DCTN6: variants seen among roughly 807,000 people sequenced by gnomAD.
DCTN6 encodes the protein dynactin subunit 6, also known as dynactin 6.
Under a neutral mutation model 25.8 loss-of-function variants are expected in DCTN6, and 15 were observed. The ratio of observed to expected loss-of-function variants is 0.58; its 90% CI spans 0.39 to 0.89. DCTN6 has a LOEUF of 0.89. Ranked by LOEUF, DCTN6 falls within the 40% of genes least tolerant of loss-of-function variation. The pLI, the probability that DCTN6 is intolerant of heterozygous loss-of-function variation, is 0.00. For missense variants in DCTN6, 198 were observed against 237.6 expected, an observed-to-expected ratio of 0.83 and a Z score of 1.09; for synonymous variants, 64 against 78.3, an observed-to-expected ratio of 0.82 and a Z score of 0.96.
At chr8:30,169,144 C>G (rs1026723506) in intron 2 of DCTN6, among the ~76,000 whole-genome samples, 2 of 152,196 alleles carry the variant, frequency 1.3e-5, no homozygotes, top group Non-Finnish European at 2.9e-5. Flanking sequence ...AGTTTTAATA[C>G]GGACCAAAAG....
At chr8:30,182,294 C>A (rs1175018969) in intron 6 of DCTN6, among the ~76,000 whole-genome samples, 1 of 152,088 alleles carries the variant, frequency 6.6e-6, no homozygotes, top group Non-Finnish European at 1.5e-5. Context: ...CTATATTTTT[C>A]ACAAGTACCG....
At chr8:30,160,055 C>G (rs935126569) in intron 1 of DCTN6, among the ~76,000 whole-genome samples, 1 of 152,140 alleles carries the variant, frequency 6.6e-6, no homozygotes, top group Non-Finnish European at 1.5e-5. Context: ...GCTTCCCTCT[C>G]CATCAGGAAT....
At chr8:30,178,907 T>A (rs958755118) in intron 4 of DCTN6, among the ~76,000 whole-genome samples, 18 of 152,148 alleles carry the variant, frequency 1.2e-4, no homozygotes, top group African/African-American at 4.3e-4. Flanking sequence ...TCCTCCCACC[T>A]TGGCCTCCCA....
At chr8:30,156,843 C>A (rs1293703927) in intron 1 of DCTN6, among the ~76,000 whole-genome samples, 3 of 152,172 alleles carry the variant, frequency 2.0e-5, no homozygotes, top group Non-Finnish European at 4.4e-5. Context: ...CAGTGCTGGC[C>A]GCACCCCAGG....
intron 1 of DCTN6, among the ~76,000 whole-genome samples, chr8:30,158,912 G>A (rs960399670): frequency 1.6e-4 from 24 of 151,756 alleles, no homozygotes; most frequent in African/African-American, 5.6e-4. Flanking sequence ...CTCCAGAGTA[G>A]CTGGGACTAC....
intron 3 of DCTN6, 54 bp downstream of exon 3, chr8:30,175,244 A>C: frequency 6.7e-7 from 1 of 1,498,546 alleles, no homozygotes; most frequent in Non-Finnish European, 9.2e-7. Context: ...GGTTTTTCTT[A>C]ATTTCAGCTG....
intron 6 of DCTN6, chr8:30,180,834 G>A: frequency 1.6e-6 from 1 of 607,658 alleles, no homozygotes; most frequent in South Asian, 2.3e-5. Flanking sequence ...GAATTTAAGA[G>A]CAGCCTGGGC....
intron 2 of DCTN6, among the ~76,000 whole-genome samples, chr8:30,168,459 C>A (rs1803717064): frequency 6.6e-6 from 1 of 152,078 alleles, no homozygotes; most frequent in African/African-American, 2.4e-5. Context: ...CTCTCCCCAC[C>A]CTGCTTTATT....
chr8:30,183,260 C>A lies in DCTN6; in HGVS notation c.*87C>A. On this transcript the variant is annotated 3_prime_UTR_variant, in exon 7 of 7. Transcript: ENST00000221114. ...CAGTGTTTATGTACTCTTAACAACT[C>A]ACAGAATAATACATGTTCACTTTAT... 9.5e-7 allele frequency: 1 copy of A among 1,053,844 alleles called. No homozygotes were observed. The highest frequency in any genetic ancestry group is 1.4e-6 in the Non-Finnish European group (1 of 708,658). 65.3% of individuals were successfully genotyped at this position (1,053,844 alleles called of 1,614,324 possible). A position where few individuals can be genotyped will look rare whatever the true frequency, so the allele number is the denominator to read the frequency against.
intron 2 of DCTN6, among the ~76,000 whole-genome samples, chr8:30,174,836 G>A (rs1803809856): frequency 2.0e-5 from 3 of 152,162 alleles, no homozygotes; most frequent in South Asian, 4.1e-4. Flanking sequence ...GGAAGCTTCC[G>A]AGTGGAGGCT....
intron 1 of DCTN6, among the ~76,000 whole-genome samples, chr8:30,157,959 G>T (rs1803548282): frequency 6.6e-6 from 1 of 152,196 alleles, no homozygotes; most frequent in South Asian, 2.1e-4. Flanking sequence ...GAAGATTAAG[G>T]TATTGTTGAC....
At chr8:30,164,272 T>A in intron 2 of DCTN6, 97 bp downstream of exon 2, 1 of 936,760 alleles carries the variant, frequency 1.1e-6, no homozygotes, top group Admixed American at 2.0e-5. Context: ...TTTATTTCAC[T>A]GATGTCCTAG....
chr8:30,179,417 C>T lies in DCTN6; in HGVS notation c.293C>T (p.Ala98Val). The T allele has an allele frequency of 6.2e-7, 1 of 1,611,806 alleles. No homozygotes were observed. Among genetic ancestry groups the T allele is most frequent in the Non-Finnish European group, 8.5e-7 (1 of 1,178,922 alleles). The change falls in exon 5 of 7, where the codon GCC (alanine) becomes GTC (valine). Residue 98 changes from alanine to valine, a missense_variant. Coordinates refer to ENST00000221114, the MANE Select transcript of DCTN6 (RefSeq NM_006571.4). ...NVFEVGCYSQ[A>V]MKMGDNNVIE... ...TAACTCTGGCTTACAGATTCCCAAG[C>T]CATGAAGATGGGAGATAATAATGTC...
At chr8:30,172,232 A>G (rs1281191627) in intron 2 of DCTN6, among the ~76,000 whole-genome samples, 1 of 152,156 alleles carries the variant, frequency 6.6e-6, no homozygotes, top group East Asian at 1.9e-4. Context: ...GAAATAAATT[A>G]TGGTATATTA....
intron 2 of DCTN6, chr8:30,165,691 G>A (rs564800951): frequency 4.5e-5 from 7 of 156,402 alleles, no homozygotes; most frequent in Admixed American, 2.6e-4. Flanking sequence ...GAGAAACCCC[G>A]TCACTACTAA....
chr8:30,169,169 C>T (rs547196814), intron 2 of DCTN6, among the ~76,000 whole-genome samples: 23 of 152,230 alleles, frequency 1.5e-4, no homozygotes, highest in African/African-American at 4.8e-4. Context: ...CCTTTCATTG[C>T]GGCAGTCTTT....
intron 1 of DCTN6, among the ~76,000 whole-genome samples, chr8:30,162,705 A>G (rs1249581410): frequency 2.0e-5 from 3 of 152,330 alleles, no homozygotes; most frequent in East Asian, 3.9e-4. Context: ...AAAAGCATCA[A>G]TAAGTTATAT....
At chr8:30,166,670 A>T (rs1237425318) in intron 2 of DCTN6, among the ~76,000 whole-genome samples, 2 of 152,134 alleles carry the variant, frequency 1.3e-5, no homozygotes, top group East Asian at 3.9e-4. Context: ...ACCACTGCCT[A>T]GGACTGAGTT....
At chr8:30,182,548 A>G (rs1301956162) in intron 6 of DCTN6, among the ~76,000 whole-genome samples, 1 of 151,910 alleles carries the variant, frequency 6.6e-6, no homozygotes, top group Non-Finnish European at 1.5e-5. Context: ...ATATAAATAT[A>G]TAAAATCTGT....
Sources: allele counts gnomAD v4.1 joint callset (sites outside exome capture counted in the v4.1 genomes callset), GRCh38; gene constraint gnomAD v4.1.1; transcripts MANE v1.5; gene names NCBI Gene and HGNC (gene_info 2026-07-23, HGNC 2026-07-21).